OLIG1: variants seen among roughly 807,000 people sequenced by gnomAD.
OLIG1 encodes the protein oligodendrocyte transcription factor 1, also known as basic domain, helix-loop-helix protein, class B, 6.
In OLIG1, 9 loss-of-function variants were observed where a neutral mutation model predicts 13.5. That is an observed-to-expected ratio of 0.67 (90% CI 0.40 to 1.17). The LOEUF is 1.17. Among genes scored for constraint, OLIG1 ranks in the 50% most tolerant of loss-of-function variants. The pLI is 0.01. For synonymous variants in OLIG1, 215 were observed against 208.3 expected, an observed-to-expected ratio of 1.03 and a Z score of -0.28; for missense variants, 362 against 392.2, an observed-to-expected ratio of 0.92 and a Z score of 0.65.
rs749939573 is a variant in OLIG1 at position 33,070,588 on chromosome 21, G to A, written c.342G>A (p.Glu114=). ...QQLRRKINSR[E]RKRMQDLNLA... ...TGCGGCGCAAGATCAACAGCCGCGA[G>A]CGGAAGCGCATGCAGGACCTGAACC... is the stretch of plus-strand genomic sequence containing the variant. Residue 114 remains glutamate (E), a synonymous_variant, in exon 1 of 1, where the codon GAG becomes GAA. Coordinates refer to ENST00000382348, the MANE Select transcript of OLIG1 (RefSeq NM_138983.3). The surrounding 1 kb of genome is among the most constrained non-coding windows in gnomAD (Gnocchi z 5.9). 2 of 1,561,772 alleles carry A rather than the reference G, an allele frequency of 1.3e-6. No homozygotes were observed. The highest frequency in any genetic ancestry group is 2.5e-5 in the East Asian group (1 of 39,968).
At position 33,070,204 on chromosome 21, in the gene OLIG1, G is replaced by C. The variant is rs1212916880; in HGVS notation, c.-43G>C. On this transcript the variant is annotated 5_prime_UTR_variant, in exon 1 of 1. Transcript: ENST00000382348. The surrounding 1 kb of genome is among the most constrained non-coding windows in gnomAD (Gnocchi z 5.9). ...GGCCTGCCGACCGGCCCACCCCAGG[G>C]CGTTCCTGAAGGGCGTCCTCGGCCG... 2 of 1,480,008 alleles carry C rather than the reference G, an allele frequency of 1.4e-6. No individual in the cohort carries two copies. Among genetic ancestry groups the C allele is most frequent in the South Asian group, 2.7e-5 (2 of 74,470 alleles). 91.7% of individuals were successfully genotyped at this position (1,480,008 alleles called of 1,614,324 possible).
Position 33,070,673 on chromosome 21 carries a change from G to T in OLIG1, c.427G>T (p.Ala143Ser). 6.5e-7 allele frequency: 1 copy of T among 1,547,720 alleles called. No homozygotes were observed. ...LPYSAAHCQG[A>S]PGRKLSKIAT... ...CTACTCAGCGGCGCACTGCCAGGGCGCGCCCGGCCGCAAGCTCTCCAAGAT... is the reference window on the plus strand; with the variant it reads ...CTACTCAGCGGCGCACTGCCAGGGCTCGCCCGGCCGCAAGCTCTCCAAGAT... The change falls in exon 1 of 1, where the codon GCG (alanine) becomes TCG (serine). Residue 143 changes from alanine (A) to serine (S), a missense_variant. By Grantham distance (99) the Ala-to-Ser change is moderately conservative. Around this residue, in one of 3 missense-constraint regions of OLIG1, gnomAD observed 94 missense variants for 146.0 expected, o/e 0.64. Transcript: ENST00000382348. The surrounding 1 kb of genome is among the most constrained non-coding windows in gnomAD (Gnocchi z 5.9).
rs1982222190 is a variant in OLIG1, at chr21:33,071,305, G to A, written c.*243G>A. Reference sequence around the variant, plus strand: ...TTTGGGGTTCTGGGTCGGTTCCAGCGGCTTTAGGCAGAAAGTGCTCGCTCT... The same window carrying A: ...TTTGGGGTTCTGGGTCGGTTCCAGCAGCTTTAGGCAGAAAGTGCTCGCTCT... On this transcript the variant is annotated 3_prime_UTR_variant, in exon 1 of 1. Coordinates refer to ENST00000382348, the MANE Select transcript of OLIG1 (RefSeq NM_138983.3). This position sits in a 1 kb window ranked among gnomAD's most constrained non-coding sequence, Gnocchi z 6.0. 3 of 386,364 alleles carry A rather than the reference G, an allele frequency of 7.8e-6. No individual in the cohort carries two copies. The East Asian group carries it at 1.3e-4, about 17-fold the overall frequency. The allele number at this position is 386,364 out of a possible 1,614,324, so 23.9% of individuals were successfully genotyped here. A position where few individuals can be genotyped will look rare whatever the true frequency, so the allele number is the denominator to read the frequency against.
Position 33,070,966 on chromosome 21 carries a change from C to A in OLIG1, c.720C>A (p.Gly240=). Residue 240 remains glycine (G), a synonymous_variant, in exon 1 of 1, where the codon GGC becomes GGA. Transcript: ENST00000382348. The surrounding 1 kb of genome is among the most constrained non-coding windows in gnomAD (Gnocchi z 5.9). ...TCGCTCTCCCCGGCGGCGGCGCAGG[C>A]GGCCCCGGCCTCTGCACCTGCGCCG... The part of the protein sequence containing the change: ...GQFALPGGGA[G]GPGLCTCAVC... The A allele has an allele frequency of 7.0e-7, 1 of 1,437,792 alleles. No homozygotes were observed. Among genetic ancestry groups the A allele is most frequent in the Non-Finnish European group, 9.1e-7 (1 of 1,099,724 alleles). 89.1% of individuals were successfully genotyped at this position (1,437,792 alleles called of 1,614,324 possible).
rs1445779489 is a variant in OLIG1 at position 33,070,962 on chromosome 21, CAGGCGGCCCCGGCCT to C, written c.717_731del (p.Gly240_Leu244del). 7 of 1,436,258 alleles carry C rather than the reference CAGGCGGCCCCGGCCT, an allele frequency of 4.9e-6. No homozygotes were observed. The African/African-American group carries it at 9.0e-5, about 18-fold the overall frequency. The allele number at this position is 1,436,258 out of a possible 1,614,324, so 89.0% of individuals were successfully genotyped here. A position where few individuals can be genotyped will look rare whatever the true frequency, so the allele number is the denominator to read the frequency against. ...CAGTTCGCTCTCCCCGGCGGCGGCG[CAGGCGGCCCCGGCCT>C]CTGCACCTGCGCCGTGTGCAAGTTC... On this transcript the variant is annotated inframe_deletion, in exon 1 of 1. Transcript: ENST00000382348. The surrounding 1 kb of genome is among the most constrained non-coding windows in gnomAD (Gnocchi z 5.9).
Position 33,071,158 on chromosome 21 carries a change from G to C in OLIG1, c.*96G>C, listed in dbSNP as rs1825208979. The C allele has an allele frequency of 2.5e-6, 3 of 1,180,266 alleles. No individual in the cohort carries two copies. Among genetic ancestry groups the C allele is most frequent in the Non-Finnish European group, 3.4e-6 (3 of 890,256 alleles). The allele number at this position is 1,180,266 out of a possible 1,614,324, so 73.1% of individuals were successfully genotyped here. On this transcript the variant is annotated 3_prime_UTR_variant, in exon 1 of 1. Transcript: ENST00000382348. The surrounding 1 kb of genome is among the most constrained non-coding windows in gnomAD (Gnocchi z 6.0). ...CCTGCGTCTGGGAGAGCGAGGCCGA[G>C]CAAGGAAAGCATTTCGAACCTTCCA...
Position 33,070,541 on chromosome 21 carries a change from A to AAGG in OLIG1, c.301_303dup (p.Glu101dup). On this transcript the variant is annotated inframe_insertion, in exon 1 of 1. Transcript: ENST00000382348. The surrounding 1 kb of genome is among the most constrained non-coding windows in gnomAD (Gnocchi z 5.9). The stretch of plus-strand genomic sequence containing the variant: ...GGGCGGCAGCGCCCGGCCGGACGCC[A>AAGG]AGGAGGAGCAGCAGCAGCAGCTGCG... 1 of 1,508,078 alleles carries AAGG rather than the reference A, an allele frequency of 6.6e-7. No homozygotes were observed. Among genetic ancestry groups the AAGG allele is most frequent in the Non-Finnish European group, 8.8e-7 (1 of 1,134,092 alleles). 93.4% of individuals were successfully genotyped at this position (1,508,078 alleles called of 1,614,324 possible). A position where few individuals can be genotyped will look rare whatever the true frequency, so the allele number is the denominator to read the frequency against.
In OLIG1 at chr21:33,070,382, T is replaced by TCCTCCTCCA. The variant is rs750993532; in HGVS notation, c.156_164dup (p.Thr55_Ser57dup). 6.0e-5 allele frequency: 92 copies of TCCTCCTCCA among 1,541,162 alleles called. 1 individual carries two copies. The highest frequency in any genetic ancestry group is 2.3e-4 in the South Asian group (19 of 83,750). ...CTACAGGCAGCCGCCCTCCTCCTCC[T>TCCTCCTCCA]CCTCCTCCACCTCCTCCACCTCCTC... On this transcript the variant is annotated inframe_insertion, in exon 1 of 1. Transcript: ENST00000382348. The surrounding 1 kb of genome is among the most constrained non-coding windows in gnomAD (Gnocchi z 5.9).
rs1190808969 is a variant in OLIG1 at position 33,070,658 on chromosome 21, G to T, written c.412G>T (p.Ala138Ser). 6.4e-7 allele frequency: 1 copy of T among 1,555,258 alleles called. No individual in the cohort carries two copies. The highest frequency in any genetic ancestry group is 8.6e-7 in the Non-Finnish European group (1 of 1,157,390). ...CGAGGTCATCCTGCCCTACTCAGCG[G>T]CGCACTGCCAGGGCGCGCCCGGCCG... The part of the protein sequence containing the change: ...LREVILPYSA[A>S]HCQGAPGRKL... The change falls in exon 1 of 1, where the codon GCG becomes TCG. Residue 138 changes from alanine to serine, a missense_variant. This residue lies in a region of OLIG1 where 206 missense variants were observed against 197.2 expected (regional missense o/e 1.04). Transcript: ENST00000382348. This position sits in a 1 kb window ranked among gnomAD's most constrained non-coding sequence, Gnocchi z 5.9.
In OLIG1 at chr21:33,070,869, T is replaced by C. The variant is rs899106642; in HGVS notation, c.623T>C (p.Val208Ala). The change falls in exon 1 of 1, where the codon GTA (valine) becomes GCA (alanine). Residue 208 changes from valine to alanine, a missense_variant. Physicochemically the swap from Val to Ala is moderately conservative, Grantham distance 64 (BLOSUM62 0). Around this residue, in one of 3 missense-constraint regions of OLIG1, gnomAD observed 94 missense variants for 146.0 expected, o/e 0.64. Coordinates refer to ENST00000382348, the MANE Select transcript of OLIG1 (RefSeq NM_138983.3). This position sits in a 1 kb window ranked among gnomAD's most constrained non-coding sequence, Gnocchi z 5.9. ...TCCGTGCTGCTGGCGCCCGGCGCCG[T>C]AGGACCCCCCGACGCGCTGCGCCCC... ...PGSVLLAPGA[V>A]GPPDALRPAK... 10 of 1,274,380 alleles carry C rather than the reference T, an allele frequency of 7.8e-6. No individual in the cohort carries two copies. The African/African-American group carries it at 1.6e-4, about 20-fold the overall frequency. 78.9% of individuals were successfully genotyped at this position (1,274,380 alleles called of 1,614,324 possible).
At position 33,071,071 on chromosome 21, in the gene OLIG1, C is replaced by A; in HGVS notation, c.*9C>A. The A allele has an allele frequency of 6.8e-7, 1 of 1,479,210 alleles. No individual in the cohort carries two copies. Among genetic ancestry groups the A allele is most frequent in the Non-Finnish European group, 8.9e-7 (1 of 1,118,188 alleles). The allele number at this position is 1,479,210 out of a possible 1,614,324, so 91.6% of individuals were successfully genotyped here. A position where few individuals can be genotyped will look rare whatever the true frequency, so the allele number is the denominator to read the frequency against. On this transcript the variant is annotated 3_prime_UTR_variant, in exon 1 of 1. Transcript: ENST00000382348. This position sits in a 1 kb window ranked among gnomAD's most constrained non-coding sequence, Gnocchi z 6.0. Reference sequence around the variant, plus strand: ...CGCAATTCTCCAAGTGAGGGCGGGCCTGGGCCTGGGGCGCGACCTCGGCCC... The same window carrying A: ...CGCAATTCTCCAAGTGAGGGCGGGCATGGGCCTGGGGCGCGACCTCGGCCC...
chr21:33,070,237 C>A lies in OLIG1; in HGVS notation c.-10C>A. On this transcript the variant is annotated 5_prime_UTR_variant, in exon 1 of 1. Transcript: ENST00000382348. The surrounding 1 kb of genome is among the most constrained non-coding windows in gnomAD (Gnocchi z 5.9). ...GAAGGGCGTCCTCGGCCGCCCCCAC[C>A]GCCTCCCAGATGTACTATGCGGTTT... is the stretch of plus-strand genomic sequence containing the variant. 1.3e-6 allele frequency: 2 copies of A among 1,513,674 alleles called. No homozygotes were observed. Among genetic ancestry groups the A allele is most frequent in the Non-Finnish European group, 1.8e-6 (2 of 1,126,532 alleles). The allele number at this position is 1,513,674 out of a possible 1,614,324, so 93.8% of individuals were successfully genotyped here.
chr21:33,070,939 G>A lies in OLIG1; in HGVS notation c.693G>A (p.Gln231=), dbSNP rs1982208828. The part of the protein sequence containing the change: ...SLALDEPPCG[Q]FALPGGGAGG... ...CGCTGGACGAGCCGCCGTGCGGCCA[G>A]TTCGCTCTCCCCGGCGGCGGCGCAG... The change falls in exon 1 of 1, where the codon CAG becomes CAA. Residue 231 remains glutamine (Q), a synonymous_variant. Coordinates refer to ENST00000382348, the MANE Select transcript of OLIG1 (RefSeq NM_138983.3). The surrounding 1 kb of genome is among the most constrained non-coding windows in gnomAD (Gnocchi z 5.9). 6.9e-7 allele frequency: 1 copy of A among 1,456,730 alleles called. No individual in the cohort carries two copies. Among genetic ancestry groups the A allele is most frequent in the Non-Finnish European group, 9.0e-7 (1 of 1,111,428 alleles). The allele number at this position is 1,456,730 out of a possible 1,614,324, so 90.2% of individuals were successfully genotyped here.
Position 33,070,710 on chromosome 21 carries a change from T to C in OLIG1, c.464T>C (p.Leu155Pro), listed in dbSNP as rs762499538. The change falls in exon 1 of 1, where the codon CTG becomes CCG. Residue 155 changes from leucine to proline, a missense_variant. Leu to Pro is a moderately conservative substitution (Grantham distance 98, BLOSUM62 -3). Transcript: ENST00000382348. This position sits in a 1 kb window ranked among gnomAD's most constrained non-coding sequence, Gnocchi z 5.9. The stretch of plus-strand genomic sequence containing the variant: ...AAGCTCTCCAAGATAGCCACGCTGC[T>C]GCTCGCCCGCAACTACATCCTACTG... ...GRKLSKIATL[L>P]LARNYILLLG... is the part of the protein sequence containing the mutation. 1 of 1,510,880 alleles carries C rather than the reference T, an allele frequency of 6.6e-7. No homozygotes were observed. The highest frequency in any genetic ancestry group is 2.0e-5 in the Admixed American group (1 of 49,412). The allele number at this position is 1,510,880 out of a possible 1,614,324, so 93.6% of individuals were successfully genotyped here.
In OLIG1 at chr21:33,070,927, G is replaced by T; in HGVS notation, c.681G>T (p.Pro227=). 6.9e-7 allele frequency: 1 copy of T among 1,446,232 alleles called. No individual in the cohort carries two copies. 89.6% of individuals were successfully genotyped at this position (1,446,232 alleles called of 1,614,324 possible). A position where few individuals can be genotyped will look rare whatever the true frequency, so the allele number is the denominator to read the frequency against. The change falls in exon 1 of 1, where the codon CCG becomes CCT. Residue 227 remains proline (P), a synonymous_variant. Coordinates refer to ENST00000382348, the MANE Select transcript of OLIG1 (RefSeq NM_138983.3). This position sits in a 1 kb window ranked among gnomAD's most constrained non-coding sequence, Gnocchi z 5.9. ...AKYLSLALDE[P]PCGQFALPGG... Reference sequence around the variant, plus strand: ...ACCTGTCGCTGGCGCTGGACGAGCCGCCGTGCGGCCAGTTCGCTCTCCCCG... The same window carrying T: ...ACCTGTCGCTGGCGCTGGACGAGCCTCCGTGCGGCCAGTTCGCTCTCCCCG...
rs1323151562 is a variant in OLIG1 at position 33,070,882 on chromosome 21, C to G, written c.636C>G (p.Asp212Glu). The change falls in exon 1 of 1, where the codon GAC becomes GAG. Residue 212 changes from aspartate to glutamate, a missense_variant. Asp to Glu is a conservative substitution (Grantham distance 45). Transcript: ENST00000382348. The surrounding 1 kb of genome is among the most constrained non-coding windows in gnomAD (Gnocchi z 5.9). ...CGCCCGGCGCCGTAGGACCCCCCGACGCGCTGCGCCCCGCCAAGTACCTGT... is the reference window on the plus strand; with the variant it reads ...CGCCCGGCGCCGTAGGACCCCCCGAGGCGCTGCGCCCCGCCAAGTACCTGT... ...LLAPGAVGPP[D>E]ALRPAKYLSL... The G allele has an allele frequency of 7.7e-7, 1 of 1,305,860 alleles. No homozygotes were observed. Among genetic ancestry groups the G allele is most frequent in the African/African-American group, 1.6e-5 (1 of 64,506 alleles). 80.9% of individuals were successfully genotyped at this position (1,305,860 alleles called of 1,614,324 possible).
Position 33,071,670 on chromosome 21 carries a change from G to A in OLIG1, c.*608G>A, listed in dbSNP as rs1418867285. ...CGGTCTGGGACGTGGCAGACGGACGGACCCTCGGCGGACAGGTGGTCGGCG... is the reference window on the plus strand; with the variant it reads ...CGGTCTGGGACGTGGCAGACGGACGAACCCTCGGCGGACAGGTGGTCGGCG... On this transcript the variant is annotated 3_prime_UTR_variant, in exon 1 of 1. Transcript: ENST00000382348. This position sits in a 1 kb window ranked among gnomAD's most constrained non-coding sequence, Gnocchi z 6.0. 3.0e-5 allele frequency: 5 copies of A among 167,256 alleles called. No individual in the cohort carries two copies. Among genetic ancestry groups the A allele is most frequent in the African/African-American group, 1.2e-4 (5 of 41,472 alleles). The allele number at this position is 167,256 out of a possible 1,614,324, so 10.4% of individuals were successfully genotyped here. A position where few individuals can be genotyped will look rare whatever the true frequency, so the allele number is the denominator to read the frequency against.
Position 33,071,273 on chromosome 21 carries a change from G to A in OLIG1, c.*211G>A. Reference sequence around the variant, plus strand: ...CAGAGCGGATGTTCGATGGCGCCTCGGGGCAGTTTGGGGTTCTGGGTCGGT... The same window carrying A: ...CAGAGCGGATGTTCGATGGCGCCTCAGGGCAGTTTGGGGTTCTGGGTCGGT... On this transcript the variant is annotated 3_prime_UTR_variant, in exon 1 of 1. Coordinates refer to ENST00000382348, the MANE Select transcript of OLIG1 (RefSeq NM_138983.3). The surrounding 1 kb of genome is among the most constrained non-coding windows in gnomAD (Gnocchi z 6.0). 1 of 456,570 alleles carries A rather than the reference G, an allele frequency of 2.2e-6. No individual in the cohort carries two copies. The highest frequency in any genetic ancestry group is 4.0e-6 in the Non-Finnish European group (1 of 253,126). The allele number at this position is 456,570 out of a possible 1,614,324, so 28.3% of individuals were successfully genotyped here. A position where few individuals can be genotyped will look rare whatever the true frequency, so the allele number is the denominator to read the frequency against.
At position 33,070,373 on chromosome 21, in the gene OLIG1, T is replaced by C; in HGVS notation, c.127T>C (p.Ser43Pro). The change falls in exon 1 of 1, where the codon TCC becomes CCC. Residue 43 changes from serine to proline, a missense_variant. Transcript: ENST00000382348. This position sits in a 1 kb window ranked among gnomAD's most constrained non-coding sequence, Gnocchi z 5.9. ...YELVGYRQPP[S>P]SSSSSTSSTS... ...GCTGGTGGGCTACAGGCAGCCGCCCTCCTCCTCCTCCTCCTCCACCTCCTC... is the reference window on the plus strand; with the variant it reads ...GCTGGTGGGCTACAGGCAGCCGCCCCCCTCCTCCTCCTCCTCCACCTCCTC... 2 of 1,382,412 alleles carry C rather than the reference T, an allele frequency of 1.4e-6. No homozygotes were observed. Among genetic ancestry groups the C allele is most frequent in the Non-Finnish European group, 9.6e-7 (1 of 1,040,132 alleles). The allele number at this position is 1,382,412 out of a possible 1,614,324, so 85.6% of individuals were successfully genotyped here.
Sources: gnomAD v4.1 joint callset for allele counts on GRCh38, gnomAD v4.1.1 for gene constraint, gnomAD v4.1.1 regional missense constraint, Gnocchi (gnomAD v3.1) non-coding constraint, MANE v1.5 for transcripts, NCBI Gene and HGNC (gene_info 2026-07-23, HGNC 2026-07-21) for gene names.